The following ZNF292 variants were observed in gnomAD, a reference collection of about 807,000 sequenced individuals.
ZNF292 encodes zinc finger protein 292.
In ZNF292, 26 loss-of-function variants were observed where a neutral mutation model predicts 217.9. The observed-to-expected ratio is 0.12, with a 90% confidence interval of 0.09 to 0.17. The LOEUF is 0.17. Ranked by LOEUF, ZNF292 falls within the 10% of genes least tolerant of loss-of-function variation. The pLI is 1.00. For missense variants in ZNF292, 2,904 were observed against 3,175.2 expected (o/e 0.91, Z 2.05); for synonymous variants, 1,257 against 1,124.1 (o/e 1.12, Z -2.37).
At chr6:87,156,493 C>T (rs1003813710) in intron 1 of ZNF292, among the ~76,000 whole-genome samples, 49 of 152,170 alleles carry the variant, frequency 3.2e-4, no homozygotes, top group African/African-American at 9.7e-4. Flanking sequence ...GTTGAGTGTC[C>T]TTTTGGGGCG....
intron 6 of ZNF292, among the ~76,000 whole-genome samples, chr6:87,244,369 G>A (rs1774461724): frequency 6.6e-6 from 1 of 152,146 alleles, no homozygotes; most frequent in African/African-American, 2.4e-5. Flanking sequence ...TAAATAAGAA[G>A]TATTTATCCA....
rs1251199900 is a variant in ZNF292 at position 87,243,550 on chromosome 6, C to T, written c.817C>T (p.Leu273Phe). Residue 273 changes from leucine to phenylalanine, a missense_variant, in exon 6 of 8, where the codon CTT becomes TTT. By Grantham distance (22) the Leu-to-Phe change is conservative. Coordinates refer to ENST00000369577, the MANE Select transcript of ZNF292 (RefSeq NM_015021.3). ...LESEGDEKSA[L>F]VLCTAFLSRQ... is the part of the protein sequence containing the mutation. ...ATCTGAGGGTGATGAAAAAAGCGCT[C>T]TTGTTTTATGTACTGCGTTTTTGTC... 1 of 1,559,918 alleles carries T rather than the reference C, an allele frequency of 6.4e-7. No homozygotes were observed. The highest frequency in any genetic ancestry group is 8.7e-7 in the Non-Finnish European group (1 of 1,150,924).
chr6:87,224,119 G>GA (rs1221096578), intron 4 of ZNF292, among the ~76,000 whole-genome samples: 5 of 151,998 alleles, frequency 3.3e-5, no homozygotes, highest in African/African-American at 1.2e-4. Context: ...ACCCCTATAG[G>GA]AAAAAACTTT....
intron 4 of ZNF292, among the ~76,000 whole-genome samples, chr6:87,224,215 C>T (rs1773228941): frequency 6.6e-6 from 1 of 152,168 alleles, no homozygotes; most frequent in Non-Finnish European, 1.5e-5. Flanking sequence ...CTTAGGTCAG[C>T]ACCTTATTTC....
intron 1 of ZNF292, among the ~76,000 whole-genome samples, chr6:87,172,765 G>A (rs1174760241): frequency 6.6e-6 from 1 of 151,784 alleles, no homozygotes; most frequent in African/African-American, 2.4e-5. Flanking sequence ...ATATTAGCTG[G>A]GCGTGGTGGT....
At chr6:87,230,832 T>A (rs1165232277) in intron 4 of ZNF292, among the ~76,000 whole-genome samples, 1 of 152,150 alleles carries the variant, frequency 6.6e-6, no homozygotes, top group Non-Finnish European at 1.5e-5. Flanking sequence ...TGTGAAGTAG[T>A]GTTATCTATG....
At chr6:87,213,958 CA>C (rs939281935) in intron 1 of ZNF292, 2 of 152,004 alleles carry the variant, frequency 1.3e-5, no homozygotes, top group African/African-American at 2.4e-5. Context: ...GAAAGAGGAT[CA>C]AGAGATGGGA....
At chr6:87,180,570 T>A (rs563242471) in intron 1 of ZNF292, among the ~76,000 whole-genome samples, 4 of 152,316 alleles carry the variant, frequency 2.6e-5, no homozygotes, top group Non-Finnish European at 5.9e-5. Context: ...CAACTTCCCC[T>A]GCATGTCTAC....
chr6:87,261,113 A>G lies in ZNF292; in HGVS notation c.7484A>G (p.Glu2495Gly). 6.2e-7 allele frequency: 1 copy of G among 1,612,040 alleles called. No homozygotes were observed. The highest frequency in any genetic ancestry group is 8.5e-7 in the Non-Finnish European group (1 of 1,179,192). ...TELFITKLINEDSTSVETQAN... is the reference protein window; with the variant it reads ...TELFITKLINGDSTSVETQAN... Reference sequence around the variant, plus strand: ...TTGTTTATTACAAAATTAATAAATGAAGATAGCACAAGTGTAGAGACCCAA... The same window carrying G: ...TTGTTTATTACAAAATTAATAAATGGAGATAGCACAAGTGTAGAGACCCAA... Residue 2495 changes from glutamate (E) to glycine (G), a missense_variant, in exon 8 of 8, where the codon GAA becomes GGA. Around this residue, in one of 15 missense-constraint regions of ZNF292, gnomAD observed 380 missense variants for 355.3 expected, o/e 1.07. Transcript: ENST00000369577.
chr6:87,255,506 C>A lies in ZNF292; in HGVS notation c.1877C>A (p.Thr626Asn). Reference sequence around the variant, plus strand: ...ACCAATGAAAATCAGAAGACTAATACTGTGGCTAAACAGGAGCAGCGACCT... The same window carrying A: ...ACCAATGAAAATCAGAAGACTAATAATGTGGCTAAACAGGAGCAGCGACCT... ...TTTNENQKTN[T>N]VAKQEQRPIK... Residue 626 changes from threonine (T) to asparagine (N), a missense_variant, in exon 8 of 8, where the codon ACT (threonine) becomes AAT (asparagine). Transcript: ENST00000369577. The A allele has an allele frequency of 6.2e-7, 1 of 1,613,300 alleles. No homozygotes were observed. The highest frequency in any genetic ancestry group is 1.6e-4 in the Middle Eastern group (1 of 6,062).
At chr6:87,211,646 C>T (rs1034412268) in intron 1 of ZNF292, among the ~76,000 whole-genome samples, 46 of 152,156 alleles carry the variant, frequency 3.0e-4, no homozygotes, top group African/African-American at 1.1e-3. Context: ...CAACGCCTAG[C>T]ACATGGTAAA....
At chr6:87,240,757 A>G (rs1774236903) in intron 5 of ZNF292, among the ~76,000 whole-genome samples, 2 of 152,230 alleles carry the variant, frequency 1.3e-5, no homozygotes, top group Non-Finnish European at 2.9e-5. Flanking sequence ...AACAAAAATG[A>G]TAAGATTAAA....
Position 87,254,912 on chromosome 6 carries a change from T to C in ZNF292, c.1283T>C (p.Leu428Ser). The change falls in exon 8 of 8, where the codon TTA (leucine) becomes TCA (serine). Residue 428 changes from leucine to serine, a missense_variant. Coordinates refer to ENST00000369577, the MANE Select transcript of ZNF292 (RefSeq NM_015021.3). ...DEENLPIPNS[L>S]RCELLLVLKT... ...GAGAATCTTCCAATACCAAATTCTT[T>C]ACGCTGTGAGCTGTTACTTGTATTG... The C allele has an allele frequency of 1.2e-6, 2 of 1,613,888 alleles. No homozygotes were observed. The highest frequency in any genetic ancestry group is 1.7e-6 in the Non-Finnish European group (2 of 1,179,826).
At chr6:87,218,566 A>C in intron 3 of ZNF292, 30 bp from the exon 4 acceptor site, 1 of 1,502,580 alleles carries the variant, frequency 6.7e-7, no homozygotes, top group Non-Finnish European at 8.9e-7. Context: ...ATCTGTTGTA[A>C]TTCTTTGGAT....
chr6:87,259,647 A>G lies in ZNF292; in HGVS notation c.6018A>G (p.Lys2006=). 1 of 1,587,154 alleles carries G rather than the reference A, an allele frequency of 6.3e-7. No homozygotes were observed. Among genetic ancestry groups the G allele is most frequent in the Non-Finnish European group, 8.6e-7 (1 of 1,166,178 alleles). ...CGGCCTCACGAAGTACACAAGTGAA[A>G]AAACAGCTAGCTATGACAGAGGAAA... ...NVPASRSTQV[K]KQLAMTEENK... Residue 2006 remains lysine, a synonymous_variant, in exon 8 of 8, where the codon AAA becomes AAG. Transcript: ENST00000369577.
intron 1 of ZNF292, among the ~76,000 whole-genome samples, chr6:87,176,893 G>C (rs202055663): frequency 2.0e-5 from 3 of 152,188 alleles, no homozygotes; most frequent in African/African-American, 7.2e-5. Flanking sequence ...TGGATGTTTA[G>C]TAAGTACTTC....
chr6:87,235,634 T>TC lies in ZNF292; in HGVS notation c.741+2109dup, dbSNP rs1218045602. 2.0e-5 allele frequency among the ~76,000 whole-genome samples: 3 copies of TC among 152,262 alleles called. No individual in the cohort carries two copies. The East Asian group carries it at 5.8e-4, about 29-fold the overall frequency. On this transcript the variant is annotated intron_variant, in intron 5 of 7. Transcript: ENST00000369577. ...CAGTCTTGCAATACTGAGCCTAAGT[T>TC]CCTTCTTGGTTTAATTATCCAGAGT...
At position 87,194,958 on chromosome 6, in the gene ZNF292, A is replaced by C. The variant is rs576049316; in HGVS notation, c.169-20945A>C. Among the ~76,000 whole-genome samples, 10 of 152,136 alleles carry C rather than the reference A, an allele frequency of 6.6e-5. No homozygotes were observed. The East Asian group carries it at 1.9e-3, about 29-fold the overall frequency. ...AAAAAAAAAAACCTGTATTCAGTAG[A>C]TGCTACAAATGGCCTTCGATAAAAT... On this transcript the variant is annotated intron_variant, in intron 1 of 7. Coordinates refer to ENST00000369577, the MANE Select transcript of ZNF292 (RefSeq NM_015021.3).
At position 87,245,373 on chromosome 6, in the gene ZNF292, TTTAAC is replaced by T. The variant is rs1305044473; in HGVS notation, c.879-125_879-121del. The stretch of plus-strand genomic sequence containing the variant: ...AAAATTGGGATCTGTTTTCTTGCAT[TTTAAC>T]TTAAGCATGCATATAGGATTGGAAT... On this transcript the variant is annotated intron_variant, in intron 6 of 7. Transcript: ENST00000369577. 3 of 508,216 alleles carry T rather than the reference TTTAAC, an allele frequency of 5.9e-6. No individual in the cohort carries two copies. The African/African-American group carries it at 6.0e-5, about 10-fold the overall frequency. 31.5% of individuals were successfully genotyped at this position (508,216 alleles called of 1,614,324 possible).
Sources: gnomAD v4.1 joint callset for allele counts (sites outside exome capture counted in the v4.1 genomes callset) on GRCh38, gnomAD v4.1.1 for gene constraint, gnomAD v4.1.1 regional missense constraint, MANE v1.5 for transcripts, NCBI Gene and HGNC (gene_info 2026-07-23, HGNC 2026-07-21) for gene names.